Variants in IRAG2 observed in about 807,000 individuals in gnomAD.
IRAG2 encodes the protein inositol 1,4,5-triphosphate receptor associated 2, also known as lymphoid restricted membrane protein.
In IRAG2, 45 loss-of-function variants were observed where a neutral mutation model predicts 69.9. The observed-to-expected ratio is 0.64, with a 90% CI of 0.51 to 0.83. The LOEUF (loss-of-function observed/expected upper bound fraction) is 0.83. Among genes scored for constraint, IRAG2 ranks in the 40% least tolerant of loss-of-function variants. The pLI, the probability that IRAG2 is intolerant of heterozygous loss-of-function variation, is 0.00. For missense variants in IRAG2, 520 were observed against 587.0 expected, an observed-to-expected ratio of 0.89 and a Z score of 1.18; for synonymous variants, 193 against 202.4, an observed-to-expected ratio of 0.95 and a Z score of 0.40.
chr12:25,101,784 T>C (rs1261947671), intron 16 of IRAG2, among the ~76,000 whole-genome samples: 1 of 152,226 alleles, frequency 6.6e-6, no homozygotes, highest in Non-Finnish European at 1.5e-5. Context: ...GGGAGTAACA[T>C]ATCGTTTCTA....
At chr12:25,051,003 T>A (rs117949939), upstream of IRAG2, among the ~76,000 whole-genome samples, 2,485 of 152,240 alleles carry the variant, frequency 0.016, 39 homozygotes, top group Non-Finnish European at 0.025. Context: ...ACTCAATAGG[T>A]ATAAAGTTTC....
At chr12:25,037,257 T>C (rs529395277) in intron 15 of IRAG2, among the ~76,000 whole-genome samples, 65 of 151,212 alleles carry the variant, frequency 4.3e-4, no homozygotes, top group African/African-American at 1.5e-3. Context: ...AAGAAAAAAG[T>C]AAACTCTGGA....
At chr12:25,104,234 T>G in intron 19 of IRAG2, 127 bp from the exon 20 acceptor site, 1 of 799,324 alleles carries the variant, frequency 1.3e-6, no homozygotes, top group Non-Finnish European at 2.0e-6. Flanking sequence ...GTAGGAGATC[T>G]GTGAATGTGC....
Position 25,013,866 on chromosome 12 carries a change from C to CTTTTTTTTTTTTTTTTTTTTTTT in IRAG2, c.897-1312_897-1290dup, listed in dbSNP as rs71063386. Among the ~76,000 whole-genome samples, 9 of 79,530 alleles carry CTTTTTTTTTTTTTTTTTTTTTTT rather than the reference C, an allele frequency of 1.1e-4. 3 individuals are homozygous for CTTTTTTTTTTTTTTTTTTTTTTT. The highest frequency in any genetic ancestry group is 1.8e-4 in the Non-Finnish European group (8 of 44,494). 52.2% of individuals were successfully genotyped at this position (79,530 alleles called of 152,430 possible). A position where few individuals can be genotyped will look rare whatever the true frequency, so the allele number is the denominator to read the frequency against. On this transcript the variant is annotated intron_variant, in intron 3 of 38. Transcript: ENST00000636465. ...GGTTTTAATTTTTTGTTTTCTTTTT[C>CTTTTTTTTTTTTTTTTTTTTTTT]TTTTTTTTTTTTTTTTTTTTTTTTT...
chr12:25,105,546 G>T (rs887140517), intron 20 of IRAG2, among the ~76,000 whole-genome samples: 1 of 151,670 alleles, frequency 6.6e-6, no homozygotes, highest in African/African-American at 2.4e-5. Context: ...ATCTGTTTTG[G>T]TTTTTTTCTT....
chr12:25,085,991 G>C (rs1269034517), intron 10 of IRAG2, among the ~76,000 whole-genome samples: 3 of 152,096 alleles, frequency 2.0e-5, no homozygotes, highest in African/African-American at 7.2e-5. Flanking sequence ...TGCTGAAAAT[G>C]GTTGCTCCTA....
intron 16 of IRAG2, among the ~76,000 whole-genome samples, chr12:25,039,220 G>A (rs1944727371): frequency 6.6e-6 from 1 of 152,324 alleles, no homozygotes; most frequent in Non-Finnish European, 1.5e-5. Context: ...AGGTAAGCTT[G>A]AAGCAAATAG....
At chr12:25,049,584 G>A (rs984316632), upstream of IRAG2, among the ~76,000 whole-genome samples, 2 of 152,160 alleles carry the variant, frequency 1.3e-5, no homozygotes, top group Non-Finnish European at 2.9e-5. Context: ...AAAAGAAGAC[G>A]ATAAATGGTC....
intron 21 of IRAG2, among the ~76,000 whole-genome samples, chr12:25,107,255 G>A (rs1949234594): frequency 1.3e-5 from 2 of 152,012 alleles, no homozygotes; most frequent in African/African-American, 4.8e-5. Context: ...AACTTTTACT[G>A]TAATATATGT....
At chr12:25,094,914 A>G (rs1288425882) in intron 14 of IRAG2, among the ~76,000 whole-genome samples, 1 of 151,992 alleles carries the variant, frequency 6.6e-6, no homozygotes, top group Non-Finnish European at 1.5e-5. Context: ...TTTTTGTGTT[A>G]ATTTTGTACC....
intron 13 of IRAG2, among the ~76,000 whole-genome samples, chr12:25,034,779 G>A (rs1328366345): frequency 5.3e-5 from 8 of 152,212 alleles, no homozygotes; most frequent in East Asian, 1.9e-4. Context: ...TTGGGCAAAC[G>A]CTATTTGAAT....
Position 25,013,855 on chromosome 12 carries a change from G to GTTTCCT in IRAG2, c.897-1324_897-1323insCCTTTT, listed in dbSNP as rs1209122788. Among the ~76,000 whole-genome samples, 156 of 90,574 alleles carry GTTTCCT rather than the reference G, an allele frequency of 1.7e-3. 14 individuals are homozygous for GTTTCCT. The highest frequency in any genetic ancestry group is 2.0e-3 in the Non-Finnish European group (78 of 39,632). 59.4% of individuals were successfully genotyped at this position (90,574 alleles called of 152,430 possible). On this transcript the variant is annotated intron_variant, in intron 3 of 38. Transcript: ENST00000636465. ...TTTTGCATAATGGTTTTAATTTTTT[G>GTTTCCT]TTTTCTTTTTCTTTTTTTTTTTTTT...
intron 15 of IRAG2, among the ~76,000 whole-genome samples, chr12:25,100,148 T>C (rs1200756678): frequency 6.6e-6 from 1 of 151,412 alleles, no homozygotes; most frequent in Non-Finnish European, 1.5e-5. Context: ...CACAATGAGA[T>C]ACCACTTCAC....
chr12:25,028,692 T>C (rs1310484285), intron 9 of IRAG2, among the ~76,000 whole-genome samples: 4 of 152,208 alleles, frequency 2.6e-5, no homozygotes, highest in African/African-American at 9.7e-5. Context: ...GTGTCATGCT[T>C]ATTGTCATCT....
intron 4 of IRAG2, among the ~76,000 whole-genome samples, chr12:25,065,970 A>G (rs1211227874): frequency 6.6e-6 from 1 of 152,184 alleles, no homozygotes; most frequent in African/African-American, 2.4e-5. Flanking sequence ...ACATCTGGCT[A>G]CAGTGAAACT....
intron 9 of IRAG2, among the ~76,000 whole-genome samples, chr12:25,029,588 G>C (rs184454525): frequency 2.0e-5 from 3 of 151,822 alleles, no homozygotes; most frequent in Admixed American, 6.6e-5. Flanking sequence ...ATGCCAACAA[G>C]CTTGCTTTTG....
At chr12:25,078,265 G>T (rs1946959222) in intron 6 of IRAG2, among the ~76,000 whole-genome samples, 1 of 152,154 alleles carries the variant, frequency 6.6e-6, no homozygotes, top group Non-Finnish European at 1.5e-5. Context: ...CATTGTACTG[G>T]ATAAATACAA....
At chr12:25,005,991 G>A (rs577435419) in intron 2 of IRAG2, among the ~76,000 whole-genome samples, 30 of 152,226 alleles carry the variant, frequency 2.0e-4, no homozygotes, top group Middle Eastern at 3.4e-3. Flanking sequence ...TGTGACAAAA[G>A]TCTAACATCC....
intron 10 of IRAG2, among the ~76,000 whole-genome samples, chr12:25,031,658 GTGTT>G (rs564650786): frequency 2.0e-4 from 30 of 152,140 alleles, no homozygotes; most frequent in Admixed American, 9.8e-4. Flanking sequence ...GTGTGTGTGT[GTGTT>G]TGTTTTTGTT....
Sources: allele counts gnomAD v4.1 joint callset (sites outside exome capture counted in the v4.1 genomes callset), GRCh38; gene constraint gnomAD v4.1.1; transcripts MANE v1.5; gene names NCBI Gene and HGNC (gene_info 2026-07-23, HGNC 2026-07-21).